The following TMPRSS15 variants were observed in gnomAD, a reference collection of about 807,000 sequenced individuals.
TMPRSS15 encodes transmembrane serine protease 15.
Under a neutral mutation model 125.3 loss-of-function variants are expected in TMPRSS15, and 128 were observed. The ratio of observed to expected loss-of-function variants is 1.02; its 90% CI spans 0.89 to 1.18. TMPRSS15 has a LOEUF of 1.18. Among genes scored for constraint, TMPRSS15 ranks in the 50% most tolerant of loss-of-function variants. The pLI, the probability that TMPRSS15 is intolerant of heterozygous loss-of-function variation, is 0.00. For missense variants in TMPRSS15, 1,283 were observed against 1,212.7 expected (o/e 1.06, Z -0.86); for synonymous variants, 446 against 423.2 (o/e 1.05, Z -0.66).
At chr21:18,317,733 T>A (rs62213424) in intron 16 of TMPRSS15, among the ~76,000 whole-genome samples, 1 of 151,846 alleles carries the variant, frequency 6.6e-6, no homozygotes, top group African/African-American at 2.4e-5. Context: ...AATTAAAATT[T>A]GCTTTTACTC....
chr21:18,360,674 T>C (rs1020618877), intron 7 of TMPRSS15, among the ~76,000 whole-genome samples: 11 of 152,166 alleles, frequency 7.2e-5, no homozygotes, highest in Non-Finnish European at 7.4e-5. Context: ...GTTACAGTTT[T>C]GATTACTATA....
chr21:18,271,600 C>CTTTTTTT (rs915001348), intron 24 of TMPRSS15, among the ~76,000 whole-genome samples: 1 of 148,752 alleles, frequency 6.7e-6, no homozygotes, highest in Admixed American at 6.8e-5. Context: ...CTTTTCTTTT[C>CTTTTTTT]TTTTTTTTTT....
At chr21:18,410,565 G>A (rs1354658239) in intron 1 of TMPRSS15, among the ~76,000 whole-genome samples, 1 of 151,144 alleles carries the variant, frequency 6.6e-6, no homozygotes, top group East Asian at 1.9e-4. Flanking sequence ...TCAGCAAAAT[G>A]ATGGGGAGGG....
rs531338685 is a variant in TMPRSS15, at chr21:18,366,222, T to C, written c.665-974A>G. Among the ~76,000 whole-genome samples, 11 of 152,328 alleles carry C rather than the reference T, an allele frequency of 7.2e-5. No homozygotes were observed. The East Asian group carries it at 1.9e-3, about 27-fold the overall frequency. On this transcript the variant is annotated intron_variant, in intron 6 of 24. Coordinates refer to ENST00000284885, the MANE Select transcript of TMPRSS15 (RefSeq NM_002772.3). Reference sequence around the variant, plus strand: ...TTTCAAATATATGTACAAAGTGCTATGTTTTCTTGAAAAAGATTAGAATAA... The same window carrying C: ...TTTCAAATATATGTACAAAGTGCTACGTTTTCTTGAAAAAGATTAGAATAA...
chr21:18,347,021 A>C lies in TMPRSS15; in HGVS notation c.1172-2961T>G, dbSNP rs150893972. On this transcript the variant is annotated intron_variant, in intron 10 of 24. Coordinates refer to ENST00000284885, the MANE Select transcript of TMPRSS15 (RefSeq NM_002772.3). ...ATTTTAATATTTCCAAACACCTAGA[A>C]ATTTTTTGACACTTTGTGTCTTCTT... is the stretch of plus-strand genomic sequence containing the variant. 5.6e-3 allele frequency among the ~76,000 whole-genome samples: 856 copies of C among 152,182 alleles called. 7 individuals carry two copies. Among genetic ancestry groups the C allele is most frequent in the African/African-American group, 0.019 (780 of 41,526 alleles).
At chr21:18,322,049 G>T (rs926064595) in intron 16 of TMPRSS15, among the ~76,000 whole-genome samples, 1 of 152,148 alleles carries the variant, frequency 6.6e-6, no homozygotes, top group African/African-American at 2.4e-5. Context: ...ATAGGCAAAA[G>T]AAATCTAAAG....
At chr21:18,483,345 A>G (rs1055807818) in intron 1 of TMPRSS15, among the ~76,000 whole-genome samples, 14 of 151,730 alleles carry the variant, frequency 9.2e-5, no homozygotes, top group Admixed American at 1.3e-4. Context: ...ACCCTGGGCT[A>G]TTTCTCAACT....
In TMPRSS15 at chr21:18,332,734, C is replaced by T. The variant is rs149854117; in HGVS notation, c.1565-561G>A. On this transcript the variant is annotated intron_variant, in intron 13 of 24. Transcript: ENST00000284885. ...GAAATACAATTTGACCCAGCAATTC[C>T]GCTACTCGGTATATACCCAAAGGAA... Among the ~76,000 whole-genome samples, 18 of 152,216 alleles carry T rather than the reference C, an allele frequency of 1.2e-4. No individual in the cohort carries two copies. In the South Asian group the frequency reaches 2.1e-3, roughly 18 times the overall value.
intron 1 of TMPRSS15, among the ~76,000 whole-genome samples, chr21:18,399,628 T>A (rs1372667619): frequency 6.6e-6 from 1 of 152,118 alleles, no homozygotes; most frequent in African/African-American, 2.4e-5. Flanking sequence ...GAAATTTGAA[T>A]AAAGTATGTG....
chr21:18,480,277 C>G (rs1978958715), intron 1 of TMPRSS15, among the ~76,000 whole-genome samples: 1 of 151,798 alleles, frequency 6.6e-6, no homozygotes, highest in African/African-American at 2.4e-5. Context: ...ATTCTCTCAC[C>G]CTGGGAAAAC....
intron 1 of TMPRSS15, among the ~76,000 whole-genome samples, chr21:18,461,463 A>C (rs1264339041): frequency 6.6e-6 from 1 of 152,090 alleles, no homozygotes; most frequent in Non-Finnish European, 1.5e-5. Flanking sequence ...AACTTAATAA[A>C]GCAGGATTTA....
intron 1 of TMPRSS15, among the ~76,000 whole-genome samples, chr21:18,443,067 A>G (rs1293238200): frequency 6.6e-6 from 1 of 152,204 alleles, no homozygotes; most frequent in African/African-American, 2.4e-5. Context: ...ATCCATGGAC[A>G]CTTTGCATGT....
intron 3 of TMPRSS15, among the ~76,000 whole-genome samples, chr21:18,392,412 T>C (rs781707144): frequency 2.6e-5 from 4 of 152,160 alleles, no homozygotes; most frequent in Non-Finnish European, 4.4e-5. Context: ...TGTTAAAGGA[T>C]AGTAAGAATA....
intron 16 of TMPRSS15, among the ~76,000 whole-genome samples, chr21:18,321,343 T>C (rs1048002810): frequency 7.7e-6 from 1 of 129,982 alleles, no homozygotes; most frequent in Admixed American, 8.2e-5. Flanking sequence ...AACGATTTTT[T>C]TCCTTCTTTT....
intron 1 of TMPRSS15, among the ~76,000 whole-genome samples, chr21:18,422,953 T>C (rs189005346): frequency 2.6e-5 from 4 of 152,316 alleles, no homozygotes; most frequent in Non-Finnish European, 5.9e-5. Flanking sequence ...GCTGATCTGC[T>C]AGCTCGTCTC....
chr21:18,365,585 TCC>T (rs1177435629), intron 6 of TMPRSS15, among the ~76,000 whole-genome samples: 12 of 101,542 alleles, frequency 1.2e-4, no homozygotes, highest in African/African-American at 1.9e-4. Context: ...TCTCTCTTTT[TCC>T]TTCCTTCCTT....
At chr21:18,427,049 A>G (rs1431993939) in intron 1 of TMPRSS15, among the ~76,000 whole-genome samples, 12 of 152,216 alleles carry the variant, frequency 7.9e-5, no homozygotes. Flanking sequence ...TGTTATTAGA[A>G]GCCCATTTCA....
At chr21:18,313,349 C>CTA (rs145916814) in intron 17 of TMPRSS15, among the ~76,000 whole-genome samples, 88 of 149,422 alleles carry the variant, frequency 5.9e-4, no homozygotes, top group African/African-American at 1.3e-3. Flanking sequence ...CTCTCTCTCT[C>CTA]TATATATATA....
chr21:18,276,719 T>G (rs1249824581), intron 23 of TMPRSS15, among the ~76,000 whole-genome samples: 1 of 151,912 alleles, frequency 6.6e-6, no homozygotes, highest in Non-Finnish European at 1.5e-5. Flanking sequence ...GCTAATCAAT[T>G]AGTATAATAT....
Sources: gnomAD v4.1 joint callset for allele counts (sites outside exome capture counted in the v4.1 genomes callset) on GRCh38, gnomAD v4.1.1 for gene constraint, MANE v1.5 for transcripts, NCBI Gene and HGNC (gene_info 2026-07-23, HGNC 2026-07-21) for gene names.